NAALADL2: variants seen among roughly 807,000 people sequenced by gnomAD.
NAALADL2 encodes the protein inactive N-acetylated-alpha-linked acidic dipeptidase-like protein 2.
Under a neutral mutation model 87.2 loss-of-function variants are expected in NAALADL2, and 76 were observed. That is an observed-to-expected ratio of 0.87 (90% CI 0.72 to 1.05). The LOEUF (loss-of-function observed/expected upper bound fraction) is 1.05. Ranked by LOEUF, NAALADL2 falls within the 50% of genes least tolerant of loss-of-function variation. The probability of loss-of-function intolerance (pLI) is 0.00; values close to 1 mark genes in which losing one functional copy is unlikely to be tolerated. For synonymous variants in NAALADL2, 354 were observed against 331.0 expected (o/e 1.07, Z -0.75); for missense variants, 1,089 against 945.8 (o/e 1.15, Z -1.99).
chr3:175,517,844 G>A (rs562392341), intron 9 of NAALADL2, among the ~76,000 whole-genome samples: 1 of 152,242 alleles, frequency 6.6e-6, no homozygotes, highest in African/African-American at 2.4e-5. Flanking sequence ...TTTATAGACA[G>A]GCTTGAGGAG....
chr3:175,165,945 T>G (rs1328157805), intron 2 of NAALADL2, among the ~76,000 whole-genome samples: 1 of 152,044 alleles, frequency 6.6e-6, no homozygotes, highest in African/African-American at 2.4e-5. Context: ...CAGGAATAAC[T>G]ATGTGGACTT....
At chr3:175,059,732 T>C (rs549723126) in intron 1 of NAALADL2, 14 of 304,850 alleles carry the variant, frequency 4.6e-5, no homozygotes, top group Non-Finnish European at 7.7e-5. Flanking sequence ...GAGATCAATG[T>C]CATCATCATC....
chr3:174,579,233 T>C (rs952951773), intron 2 of NAALADL2, among the ~76,000 whole-genome samples: 7 of 151,946 alleles, frequency 4.6e-5, no homozygotes, highest in African/African-American at 1.7e-4. Context: ...AATAAAAATA[T>C]ATTTCTCCCT....
chr3:175,247,267 T>TAC (rs778567684), intron 3 of NAALADL2, among the ~76,000 whole-genome samples: 83 of 64,106 alleles, frequency 1.3e-3, no homozygotes, highest in East Asian at 3.4e-3. Context: ...ATTATGTGTG[T>TAC]ACACACACAC....
chr3:174,988,289 G>A (rs148033615), intron 1 of NAALADL2, among the ~76,000 whole-genome samples: 312 of 152,218 alleles, frequency 2.0e-3, no homozygotes, highest in African/African-American at 7.1e-3. Context: ...ATTTACCCAG[G>A]TACCTGTACT....
chr3:175,085,630 A>G (rs759550043), intron 1 of NAALADL2, among the ~76,000 whole-genome samples: 2 of 152,166 alleles, frequency 1.3e-5, no homozygotes, highest in Non-Finnish European at 2.9e-5. Flanking sequence ...TGTGGTTAAG[A>G]TATAGATATT....
chr3:175,718,355 T>A lies in NAALADL2; in HGVS notation c.1897-18951T>A, dbSNP rs957467826. ...AATTCTGCCATTTTGCTAGCACTGA[T>A]ATGCTCTTGGGTCCACCACTCCATT... On this transcript the variant is annotated intron_variant, in intron 11 of 13. Coordinates refer to ENST00000454872, the MANE Select transcript of NAALADL2 (RefSeq NM_207015.3). 10 of 1,603,012 alleles carry A rather than the reference T, an allele frequency of 6.2e-6. No individual in the cohort carries two copies. The African/African-American group carries it at 1.3e-4, about 21-fold the overall frequency.
chr3:175,757,089 G>C (rs551959389), intron 13 of NAALADL2, among the ~76,000 whole-genome samples: 1 of 151,654 alleles, frequency 6.6e-6, no homozygotes, highest in African/African-American at 2.4e-5. Flanking sequence ...GGCCCTTTAA[G>C]AATGAAAGTT....
intron 5 of NAALADL2, among the ~76,000 whole-genome samples, chr3:175,391,746 A>T (rs947267307): frequency 1.3e-5 from 2 of 152,176 alleles, no homozygotes; most frequent in Non-Finnish European, 2.9e-5. Context: ...ATATGGCAAT[A>T]GATAACTAAT....
At chr3:174,659,336 C>A (rs1725286671) in intron 2 of NAALADL2, among the ~76,000 whole-genome samples, 1 of 152,088 alleles carries the variant, frequency 6.6e-6, no homozygotes, top group Non-Finnish European at 1.5e-5. Context: ...CTGAATTTTT[C>A]TGTATGAATA....
At chr3:175,006,257 C>G (rs1424977200) in intron 1 of NAALADL2, among the ~76,000 whole-genome samples, 2 of 152,216 alleles carry the variant, frequency 1.3e-5, no homozygotes, top group African/African-American at 4.8e-5. Flanking sequence ...TTTCACCACT[C>G]TCACAACCTC....
chr3:175,694,504 T>C (rs1207156721), intron 11 of NAALADL2, among the ~76,000 whole-genome samples: 3 of 152,180 alleles, frequency 2.0e-5, no homozygotes, highest in African/African-American at 7.2e-5. Flanking sequence ...TTACAGACTT[T>C]GGTTGCTCAT....
chr3:175,783,320 G>T (rs1312260263), intron 13 of NAALADL2, among the ~76,000 whole-genome samples: 1 of 152,014 alleles, frequency 6.6e-6, no homozygotes, highest in Admixed American at 6.5e-5. Flanking sequence ...TCACGATACT[G>T]ATTCTTCCTA....
intron 1 of NAALADL2, among the ~76,000 whole-genome samples, chr3:175,000,506 A>G (rs958614703): frequency 6.6e-6 from 1 of 152,184 alleles, no homozygotes; most frequent in African/African-American, 2.4e-5. Context: ...TGGTGAAGCC[A>G]TACCAACCTC....
intron 2 of NAALADL2, among the ~76,000 whole-genome samples, chr3:175,131,646 T>C (rs914278808): frequency 5.9e-5 from 9 of 152,170 alleles, no homozygotes; most frequent in Admixed American, 5.9e-4. Context: ...CCGTTCTCAA[T>C]GAGCTGTTGG....
intron 1 of NAALADL2, among the ~76,000 whole-genome samples, chr3:174,529,437 A>G (rs1721046077): frequency 6.6e-6 from 1 of 152,186 alleles, no homozygotes; most frequent in African/African-American, 2.4e-5. Context: ...GCAAGCTGTC[A>G]GTGGATCTAC....
intron 2 of NAALADL2, among the ~76,000 whole-genome samples, chr3:174,605,153 C>G (rs1310937144): frequency 6.6e-6 from 1 of 152,154 alleles, no homozygotes; most frequent in Non-Finnish European, 1.5e-5. Flanking sequence ...TTTGCATAAA[C>G]AAACAAGTAA....
At chr3:174,842,117 T>A (rs1724094517) in intron 3 of NAALADL2, among the ~76,000 whole-genome samples, 1 of 151,678 alleles carries the variant, frequency 6.6e-6, no homozygotes, top group Admixed American at 6.6e-5. Flanking sequence ...ATTGGCGTGA[T>A]CTCTGCTCAC....
intron 2 of NAALADL2, among the ~76,000 whole-genome samples, chr3:175,227,729 T>G (rs1256246850): frequency 1.3e-5 from 2 of 151,980 alleles, no homozygotes; most frequent in Admixed American, 1.3e-4. Context: ...AAATGATTAA[T>G]AAATAGAACC....
Sources: allele counts gnomAD v4.1 joint callset (sites outside exome capture counted in the v4.1 genomes callset), GRCh38; gene constraint gnomAD v4.1.1; transcripts MANE v1.5; gene names NCBI Gene and HGNC (gene_info 2026-07-23, HGNC 2026-07-21).